Variants in SIPA1L1 observed in about 807,000 individuals in gnomAD.
SIPA1L1 encodes signal-induced proliferation-associated 1-like protein 1.
Under a neutral mutation model 162.7 loss-of-function variants are expected in SIPA1L1, and 26 were observed. That is an observed-to-expected ratio of 0.16 (90% CI 0.12 to 0.22). SIPA1L1 has a LOEUF of 0.22. SIPA1L1 is among the 10% of genes least tolerant of loss of function. SIPA1L1 has a pLI of 1.00. For synonymous variants in SIPA1L1, 829 were observed against 837.4 expected (o/e 0.99, Z 0.17); for missense variants, 1,874 against 2,241.0 (o/e 0.84, Z 3.31).
intron 2 of SIPA1L1, among the ~76,000 whole-genome samples, chr14:71,391,231 C>G (rs187966301): frequency 0.023 from 3,529 of 151,720 alleles, 53 homozygotes; most frequent in Middle Eastern, 0.037. Context: ...CTCAGCCTCC[C>G]GAGTAGCTGG....
Position 71,671,360 on chromosome 14 carries a change from C to G in SIPA1L1, c.2497C>G (p.Pro833Ala). The G allele has an allele frequency of 6.2e-7, 1 of 1,614,198 alleles. No individual in the cohort carries two copies. The highest frequency in any genetic ancestry group is 1.1e-5 in the South Asian group (1 of 91,082). ...CCCTATCGACCCTTCTGGCAAGTTTCCGTTCATCTCTCTGGCTTCCAAGAA... is the reference window on the plus strand; with the variant it reads ...CCCTATCGACCCTTCTGGCAAGTTTGCGTTCATCTCTCTGGCTTCCAAGAA... ...NTPIDPSGKF[P>A]FISLASKKKE... Residue 833 changes from proline to alanine, a missense_variant, in exon 11 of 24, where the codon CCG becomes GCG. This residue lies in a region of SIPA1L1 where 243 missense variants were observed against 315.0 expected (regional missense o/e 0.77). Coordinates refer to ENST00000381232, the MANE Select transcript of SIPA1L1 (RefSeq NM_001386936.1).
At chr14:71,629,305 T>C (rs997521858) in intron 7 of SIPA1L1, among the ~76,000 whole-genome samples, 4 of 152,188 alleles carry the variant, frequency 2.6e-5, no homozygotes, top group Admixed American at 1.3e-4. Flanking sequence ...ATGAATTATT[T>C]TAATTAATCC....
chr14:71,710,148 A>G (rs2082757334), intron 17 of SIPA1L1, among the ~76,000 whole-genome samples: 1 of 152,208 alleles, frequency 6.6e-6, no homozygotes, highest in Non-Finnish European at 1.5e-5. Context: ...TGATATTTAC[A>G]TTGTAACTTT....
intron 4 of SIPA1L1, among the ~76,000 whole-genome samples, chr14:71,531,916 C>A (rs1020778432): frequency 2.6e-5 from 4 of 152,162 alleles, no homozygotes; most frequent in African/African-American, 7.2e-5. Context: ...CTCCATGAAA[C>A]TGAATAGTCA....
intron 2 of SIPA1L1, among the ~76,000 whole-genome samples, chr14:71,471,139 C>T (rs558037432): frequency 1.8e-4 from 27 of 152,290 alleles, no homozygotes; most frequent in African/African-American, 5.1e-4. Flanking sequence ...CCTCCGCACC[C>T]GGCCTCAGAG....
At chr14:71,477,936 A>G (rs1487707213) in intron 2 of SIPA1L1, among the ~76,000 whole-genome samples, 1 of 152,260 alleles carries the variant, frequency 6.6e-6, no homozygotes, top group East Asian at 1.9e-4. Flanking sequence ...CTTTGAAATT[A>G]TTTTCCAGAG....
Position 71,702,488 on chromosome 14 carries a change from G to A in SIPA1L1, c.3629G>A (p.Ser1210Asn), listed in dbSNP as rs541518892. 1.9e-6 allele frequency: 3 copies of A among 1,614,190 alleles called. No homozygotes were observed. Among genetic ancestry groups the A allele is most frequent in the African/African-American group, 2.7e-5 (2 of 75,054 alleles). ...CCTAGCTGGCAAAGAAGTGAGGATA[G>A]CATTGCTGACCAGATGGGTAAGTAA... Reference protein sequence around the residue: ...STPSWQRSEDSIADQMEPTCH... With the variant: ...STPSWQRSEDNIADQMEPTCH... Residue 1210 changes from serine to asparagine, a missense_variant, in exon 15 of 24, where the codon AGC becomes AAC. This residue lies in a region of SIPA1L1 where 936 missense variants were observed against 1,051.9 expected (regional missense o/e 0.89). Transcript: ENST00000381232.
intron 5 of SIPA1L1, among the ~76,000 whole-genome samples, chr14:71,594,214 A>G (rs1337603604): frequency 3.3e-5 from 5 of 152,158 alleles, no homozygotes; most frequent in African/African-American, 7.2e-5. Flanking sequence ...TACCACACTT[A>G]TCTTGATTTG....
At chr14:71,531,022 C>A (rs965311586) in intron 4 of SIPA1L1, among the ~76,000 whole-genome samples, 6 of 152,210 alleles carry the variant, frequency 3.9e-5, no homozygotes, top group Admixed American at 1.3e-4. Context: ...TTTGAACCAA[C>A]ATGCTGATAG....
At chr14:71,717,371 T>G (rs997753400) in intron 17 of SIPA1L1, among the ~76,000 whole-genome samples, 7 of 152,224 alleles carry the variant, frequency 4.6e-5, no homozygotes, top group Non-Finnish European at 8.8e-5. Context: ...AGAGACAACT[T>G]GAGTAAATTT....
At chr14:71,459,421 A>T (rs2046423036) in intron 2 of SIPA1L1, among the ~76,000 whole-genome samples, 2 of 152,144 alleles carry the variant, frequency 1.3e-5, no homozygotes, top group African/African-American at 4.8e-5. Flanking sequence ...CTAATAGAAG[A>T]TATGTAATAT....
chr14:71,483,402 TAC>T (rs2048499359), intron 2 of SIPA1L1, among the ~76,000 whole-genome samples: 1 of 152,226 alleles, frequency 6.6e-6, no homozygotes, highest in African/African-American at 2.4e-5. Flanking sequence ...ATCTTTCATG[TAC>T]AGTGTTGCTT....
chr14:71,461,983 C>T (rs1407656615), intron 2 of SIPA1L1, among the ~76,000 whole-genome samples: 1 of 152,180 alleles, frequency 6.6e-6, no homozygotes, highest in African/African-American at 2.4e-5. Flanking sequence ...GCCACTTCCT[C>T]ATGTAACTTA....
intron 2 of SIPA1L1, among the ~76,000 whole-genome samples, chr14:71,423,006 A>G (rs1048948514): frequency 2.6e-5 from 4 of 152,098 alleles, no homozygotes; most frequent in African/African-American, 4.8e-5. Flanking sequence ...TGGTTTTTTG[A>G]TAGTTGCCAT....
At chr14:71,539,283 C>T (rs549750712) in intron 4 of SIPA1L1, among the ~76,000 whole-genome samples, 1 of 152,272 alleles carries the variant, frequency 6.6e-6, no homozygotes, top group South Asian at 2.1e-4. Flanking sequence ...ATTGTCTTTA[C>T]TATATTACTC....
In SIPA1L1 at chr14:71,702,369, A is replaced by T. The variant is rs1167168936; in HGVS notation, c.3522-12A>T. 1 of 1,613,740 alleles carries T rather than the reference A, an allele frequency of 6.2e-7. No individual in the cohort carries two copies. The highest frequency in any genetic ancestry group is 2.2e-5 in the East Asian group (1 of 44,898). On this transcript the variant is annotated splice_polypyrimidine_tract_variant and intron_variant, in intron 14 of 23. Transcript: ENST00000381232. ...CCTGATGTTGTCTTTGCCTTTGCGG[A>T]AATCACCACAGGTTTGGAGTGAGCC...
At chr14:71,482,888 G>A (rs1226534826) in intron 2 of SIPA1L1, among the ~76,000 whole-genome samples, 1 of 152,158 alleles carries the variant, frequency 6.6e-6, no homozygotes, top group African/African-American at 2.4e-5. Context: ...ATGGATATTT[G>A]TGCCTAGATG....
intron 8 of SIPA1L1, among the ~76,000 whole-genome samples, chr14:71,656,089 C>G (rs1432345763): frequency 1.3e-5 from 2 of 152,132 alleles, no homozygotes; most frequent in Non-Finnish European, 2.9e-5. Flanking sequence ...TCTGAAACTT[C>G]TGAAACTATT....
chr14:71,399,745 A>G (rs2041513666), intron 2 of SIPA1L1, among the ~76,000 whole-genome samples: 1 of 150,320 alleles, frequency 6.7e-6, no homozygotes, highest in Non-Finnish European at 1.5e-5. Context: ...TTTTTTTTTG[A>G]GATGCTTGCC....
Sources: gnomAD v4.1 joint callset for allele counts (sites outside exome capture counted in the v4.1 genomes callset) on GRCh38, gnomAD v4.1.1 for gene constraint, gnomAD v4.1.1 regional missense constraint, MANE v1.5 for transcripts, NCBI Gene and HGNC (gene_info 2026-07-23, HGNC 2026-07-21) for gene names.